ADAMTSL1: variants seen among roughly 807,000 people sequenced by gnomAD.
ADAMTSL1 encodes ADAMTS like 1.
In ADAMTSL1, 126 loss-of-function variants were observed where a neutral mutation model predicts 201.8. The ratio of observed to expected loss-of-function variants is 0.62; its 90% CI spans 0.54 to 0.72. The LOEUF (loss-of-function observed/expected upper bound fraction) is 0.72. ADAMTSL1 is among the 30% of genes least tolerant of loss of function. ADAMTSL1 has a pLI of 0.00. For missense variants in ADAMTSL1, 2,679 were observed against 2,277.8 expected, an observed-to-expected ratio of 1.18 and a Z score of -3.59; for synonymous variants, 1,121 against 903.4, an observed-to-expected ratio of 1.24 and a Z score of -4.32.
At chr9:18,396,167 C>T (rs924137763) in intron 2 of ADAMTSL1, among the ~76,000 whole-genome samples, 1 of 152,152 alleles carries the variant, frequency 6.6e-6, no homozygotes, top group Non-Finnish European at 1.5e-5. Context: ...AACTGTTGGC[C>T]TGCCTCTTAG....
chr9:18,001,551 A>G (rs1422460718), intron 1 of ADAMTSL1, among the ~76,000 whole-genome samples: 1 of 152,098 alleles, frequency 6.6e-6, no homozygotes, highest in Non-Finnish European at 1.5e-5. Context: ...GAACGGGCTG[A>G]TTCAAAGAAG....
intron 1 of ADAMTSL1, among the ~76,000 whole-genome samples, chr9:18,016,116 G>A (rs1820250244): frequency 6.6e-6 from 1 of 151,930 alleles, no homozygotes; most frequent in Non-Finnish European, 1.5e-5. Context: ...CCTGTTATGG[G>A]GTAAACATAA....
intron 2 of ADAMTSL1, among the ~76,000 whole-genome samples, chr9:18,418,343 T>C (rs1818782938): frequency 6.6e-6 from 1 of 152,108 alleles, no homozygotes; most frequent in Non-Finnish European, 1.5e-5. Flanking sequence ...CTATTCAACA[T>C]TGTACTGGGA....
intron 2 of ADAMTSL1, among the ~76,000 whole-genome samples, chr9:18,327,969 T>C (rs1008180559): frequency 1.3e-5 from 2 of 152,196 alleles, no homozygotes; most frequent in Non-Finnish European, 2.9e-5. Flanking sequence ...TTTCCTGTTT[T>C]AAAGTAACAT....
At chr9:17,924,598 T>C (rs1226998209) in intron 1 of ADAMTSL1, among the ~76,000 whole-genome samples, 31 of 147,158 alleles carry the variant, frequency 2.1e-4, no homozygotes, top group Middle Eastern at 3.5e-3. Context: ...AAACAAGCAA[T>C]GGGGAAAGGA....
At chr9:18,080,594 C>A (rs12156463) in intron 1 of ADAMTSL1, among the ~76,000 whole-genome samples, 51,954 of 152,014 alleles carry the variant, frequency 0.34, 9,728 homozygotes, top group Non-Finnish European at 0.43. Flanking sequence ...GCCCTGAATA[C>A]CAAAACCCTA....
intron 2 of ADAMTSL1, among the ~76,000 whole-genome samples, chr9:18,320,948 CAAAT>C (rs1173514180): frequency 9.2e-5 from 14 of 151,780 alleles, no homozygotes; most frequent in Admixed American, 3.9e-4. Flanking sequence ...AAATAGAAAA[CAAAT>C]AACAAAATAA....
At chr9:18,220,224 A>T (rs985400765) in intron 2 of ADAMTSL1, among the ~76,000 whole-genome samples, 7 of 152,000 alleles carry the variant, frequency 4.6e-5, no homozygotes, top group African/African-American at 1.4e-4. Context: ...TTCCATTATG[A>T]TGGTGAATTT....
intron 2 of ADAMTSL1, among the ~76,000 whole-genome samples, chr9:18,373,441 C>A (rs1043327421): frequency 2.0e-5 from 3 of 151,812 alleles, no homozygotes; most frequent in South Asian, 2.1e-4. Flanking sequence ...TTACAACAAT[C>A]TTTTCATATC....
chr9:18,766,703 A>T (rs955861107), intron 16 of ADAMTSL1, among the ~76,000 whole-genome samples: 10 of 152,114 alleles, frequency 6.6e-5, no homozygotes, highest in Non-Finnish European at 1.3e-4. Flanking sequence ...TGTGTCCTCC[A>T]CATGATGGAA....
intron 2 of ADAMTSL1, among the ~76,000 whole-genome samples, chr9:18,233,116 CTATG>C (rs1397483933): frequency 6.6e-6 from 1 of 152,188 alleles, no homozygotes; most frequent in Non-Finnish European, 1.5e-5. Flanking sequence ...ACTCCAGAAA[CTATG>C]TATGTTGCAG....
intron 2 of ADAMTSL1, among the ~76,000 whole-genome samples, chr9:18,285,412 A>G (rs547523984): frequency 2.2e-4 from 33 of 152,226 alleles, no homozygotes; most frequent in African/African-American, 7.9e-4. Context: ...ATTTGTCTAA[A>G]GTCACAAACA....
chr9:18,558,437 C>A (rs1821247441), intron 3 of ADAMTSL1, among the ~76,000 whole-genome samples: 2 of 152,152 alleles, frequency 1.3e-5, no homozygotes, highest in South Asian at 4.1e-4. Flanking sequence ...GGTTCCAAGT[C>A]TCTGCTCTTG....
chr9:18,281,963 A>G (rs1037032574), intron 2 of ADAMTSL1, among the ~76,000 whole-genome samples: 3 of 152,020 alleles, frequency 2.0e-5, no homozygotes, highest in Non-Finnish European at 4.4e-5. Context: ...TATTTTTTTA[A>G]TTTAATTTTA....
intron 1 of ADAMTSL1, among the ~76,000 whole-genome samples, chr9:18,149,298 C>T (rs1348587325): frequency 1.3e-5 from 2 of 151,858 alleles, no homozygotes; most frequent in African/African-American, 4.8e-5. Context: ...CATAGAGGAG[C>T]AGATGATCAT....
At chr9:18,387,185 A>T (rs1246172888) in intron 2 of ADAMTSL1, among the ~76,000 whole-genome samples, 1 of 152,096 alleles carries the variant, frequency 6.6e-6, no homozygotes, top group Non-Finnish European at 1.5e-5. Flanking sequence ...GAGGATAGGT[A>T]CCAATATAAC....
chr9:18,176,232 T>C (rs1349954916), intron 2 of ADAMTSL1, among the ~76,000 whole-genome samples: 1 of 152,044 alleles, frequency 6.6e-6, no homozygotes, highest in Non-Finnish European at 1.5e-5. Context: ...TAGCGTATTT[T>C]TAAGCAAGGA....
chr9:18,532,178 A>G (rs1819484188), intron 2 of ADAMTSL1, among the ~76,000 whole-genome samples: 1 of 152,162 alleles, frequency 6.6e-6, no homozygotes, highest in East Asian at 1.9e-4. Context: ...AAGTGTCAGC[A>G]TTGAACGTTT....
intron 2 of ADAMTSL1, among the ~76,000 whole-genome samples, chr9:18,308,157 C>T (rs946668267): frequency 6.6e-6 from 1 of 152,080 alleles, no homozygotes; most frequent in Non-Finnish European, 1.5e-5. Flanking sequence ...AGAACAAAGA[C>T]ACAATGCACC....
Sources: allele counts gnomAD v4.1 joint callset (sites outside exome capture counted in the v4.1 genomes callset), GRCh38; gene constraint gnomAD v4.1.1; transcripts MANE v1.5; gene names NCBI Gene and HGNC (gene_info 2026-07-23, HGNC 2026-07-21).